The following NPAS2 variants were observed in gnomAD, a reference collection of about 807,000 sequenced individuals.
NPAS2 encodes the protein neuronal PAS domain-containing protein 2.
Under a neutral mutation model 107.5 loss-of-function variants are expected in NPAS2, and 23 were observed. That is an observed-to-expected ratio of 0.21 (90% CI 0.15 to 0.30). The LOEUF is 0.30. NPAS2 is among the 10% of genes least tolerant of loss of function. NPAS2 has a pLI of 1.00. For synonymous variants in NPAS2, 403 were observed against 417.5 expected (o/e 0.97, Z 0.42); for missense variants, 756 against 1,043.3 (o/e 0.72, Z 3.79).
At position 100,993,412 on chromosome 2, in the gene NPAS2, C is replaced by T. The variant is rs202116734; in HGVS notation, c.2177C>T (p.Pro726Leu). The change falls in exon 20 of 21, where the codon CCG (proline) becomes CTG (leucine). Residue 726 changes from proline to leucine, a missense_variant. Around this residue, in one of 4 missense-constraint regions of NPAS2, gnomAD observed 496 missense variants for 594.4 expected, o/e 0.83. Coordinates refer to ENST00000335681, the MANE Select transcript of NPAS2 (RefSeq NM_002518.4). ...DAHPANSSSA[P>L]MPVLLMGQAV... ...CACCCCGCCAACAGCAGCAGCGCCC[C>T]GATGCCCGTCCTGCTGATGGGGCAG... is the stretch of plus-strand genomic sequence containing the variant. 2.8e-5 allele frequency: 45 copies of T among 1,613,056 alleles called. No individual in the cohort carries two copies. Among genetic ancestry groups the T allele is most frequent in the East Asian group, 1.3e-4 (6 of 44,820 alleles).
intron 1 of NPAS2, among the ~76,000 whole-genome samples, chr2:100,896,513 T>C (rs1328548489): frequency 6.6e-6 from 1 of 152,048 alleles, no homozygotes; most frequent in African/African-American, 2.4e-5. Flanking sequence ...GGAGACAAAA[T>C]GAGATTATGT....
intron 1 of NPAS2, among the ~76,000 whole-genome samples, chr2:100,884,878 AT>A (rs1367431733): frequency 3.3e-5 from 5 of 151,880 alleles, no homozygotes; most frequent in South Asian, 2.1e-4. Flanking sequence ...TTTAAAATAT[AT>A]TTTTTTAATA....
intron 1 of NPAS2, among the ~76,000 whole-genome samples, chr2:100,899,127 G>A (rs907931573): frequency 3.9e-5 from 6 of 152,236 alleles, no homozygotes; most frequent in Non-Finnish European, 5.9e-5. Flanking sequence ...CTGACAAAGC[G>A]TGCTGGGGTG....
At chr2:100,951,757 A>C (rs566494151) in intron 7 of NPAS2, among the ~76,000 whole-genome samples, 1 of 152,148 alleles carries the variant, frequency 6.6e-6, no homozygotes, top group South Asian at 2.1e-4. Flanking sequence ...GGATGGTGGG[A>C]TGGTTGCACA....
At chr2:100,957,711 T>G (rs999801531) in intron 7 of NPAS2, among the ~76,000 whole-genome samples, 10 of 152,018 alleles carry the variant, frequency 6.6e-5, no homozygotes, top group Admixed American at 2.0e-4. Context: ...CGGATCACGA[T>G]GTCAGGAGAT....
chr2:100,988,195 C>G lies in NPAS2; in HGVS notation c.1746C>G (p.Gly582=), dbSNP rs757493930. 1.2e-4 allele frequency: 198 copies of G among 1,614,046 alleles called. No individual in the cohort carries two copies. Among genetic ancestry groups the G allele is most frequent in the Non-Finnish European group, 1.4e-4 (169 of 1,180,044 alleles). The part of the protein sequence containing the change: ...AAVTQPQLGA[G]PQLPGQISSA... ...TGACTCAGCCCCAGCTCGGGGCGGG[C>G]CCCCAACTTCCAGGGCAGATCTCCT... Residue 582 remains glycine, a synonymous_variant, in exon 17 of 21, where the codon GGC becomes GGG. Coordinates refer to ENST00000335681, the MANE Select transcript of NPAS2 (RefSeq NM_002518.4).
intron 1 of NPAS2, among the ~76,000 whole-genome samples, chr2:100,877,325 C>T (rs902732397): frequency 6.0e-5 from 9 of 150,758 alleles, no homozygotes; most frequent in Admixed American, 3.3e-4. Context: ...ATTAGCCAGG[C>T]GTGGTGGCAG....
intron 2 of NPAS2, among the ~76,000 whole-genome samples, chr2:100,924,177 A>G (rs67336730): frequency 0.16 from 23,676 of 152,208 alleles, 2,013 homozygotes; most frequent in Middle Eastern, 0.18. Context: ...AGACACACTC[A>G]GCCTCCCCCA....
intron 1 of NPAS2, among the ~76,000 whole-genome samples, chr2:100,842,442 G>A (rs1434369154): frequency 2.0e-5 from 3 of 152,050 alleles, no homozygotes; most frequent in South Asian, 2.1e-4. Flanking sequence ...AGTTTCCTTC[G>A]ACTGTCATCA....
intron 1 of NPAS2, among the ~76,000 whole-genome samples, chr2:100,876,576 G>T (rs1679982909): frequency 1.3e-5 from 2 of 152,178 alleles, no homozygotes; most frequent in South Asian, 4.1e-4. Context: ...GGAGACTATA[G>T]CCTTAAATCA....
intron 1 of NPAS2, chr2:100,878,232 A>G: frequency 1.0e-6 from 1 of 985,406 alleles, no homozygotes; most frequent in Non-Finnish European, 1.2e-6. Context: ...GCTGGGCAGA[A>G]GGCAAAAAAA....
chr2:100,861,122 C>G (rs1678917529), intron 1 of NPAS2, among the ~76,000 whole-genome samples: 1 of 152,022 alleles, frequency 6.6e-6, no homozygotes, highest in Non-Finnish European at 1.5e-5. Flanking sequence ...CCATCTCAGC[C>G]TCCCAAAGCA....
intron 1 of NPAS2, among the ~76,000 whole-genome samples, chr2:100,829,245 C>T (rs1278099801): frequency 4.7e-5 from 7 of 149,866 alleles, no homozygotes; most frequent in Non-Finnish European, 8.9e-5. Context: ...ATTGCAGTGG[C>T]GCAATCTCAG....
chr2:100,887,832 C>T (rs948953066), intron 1 of NPAS2, among the ~76,000 whole-genome samples: 9 of 152,172 alleles, frequency 5.9e-5, no homozygotes, highest in East Asian at 1.9e-4. Context: ...CGCCCCTCTC[C>T]GCGAACGGGC....
At chr2:100,826,795 C>T (rs1201370228) in intron 1 of NPAS2, among the ~76,000 whole-genome samples, 2 of 152,150 alleles carry the variant, frequency 1.3e-5, no homozygotes, top group African/African-American at 4.8e-5. Context: ...TGCCTGTTAA[C>T]CTCCCCATCT....
chr2:100,914,260 C>G (rs533781542), intron 2 of NPAS2, among the ~76,000 whole-genome samples: 1 of 152,254 alleles, frequency 6.6e-6, no homozygotes, highest in African/African-American at 2.4e-5. Flanking sequence ...TCCTGAAATA[C>G]CACAGACACA....
At chr2:100,873,376 A>T (rs544752483) in intron 1 of NPAS2, among the ~76,000 whole-genome samples, 49 of 145,016 alleles carry the variant, frequency 3.4e-4, no homozygotes, top group Middle Eastern at 3.6e-3. Context: ...ATATATATAT[A>T]TTTTTTCAAA....
intron 1 of NPAS2, among the ~76,000 whole-genome samples, chr2:100,865,196 T>C (rs1679177876): frequency 6.6e-6 from 1 of 152,220 alleles, no homozygotes; most frequent in African/African-American, 2.4e-5. Flanking sequence ...GAACTGCTAA[T>C]ACAGAGTAAT....
intron 3 of NPAS2, among the ~76,000 whole-genome samples, chr2:100,932,201 T>C (rs1164314540): frequency 6.6e-6 from 1 of 152,232 alleles, no homozygotes; most frequent in East Asian, 1.9e-4. Flanking sequence ...AATTCAATAA[T>C]AGAACAAAAC....
Sources: allele counts gnomAD v4.1 joint callset (sites outside exome capture counted in the v4.1 genomes callset), GRCh38; gene constraint gnomAD v4.1.1; regional missense constraint gnomAD v4.1.1; transcripts MANE v1.5; gene names NCBI Gene and HGNC (gene_info 2026-07-23, HGNC 2026-07-21).